Variants in MRTFA observed in about 807,000 individuals in gnomAD.
The protein encoded by MRTFA is myocardin-related transcription factor A.
In MRTFA, 20 loss-of-function variants were observed where a neutral mutation model predicts 83.5. The ratio of observed to expected loss-of-function variants is 0.24; its 90% CI spans 0.17 to 0.35. MRTFA has a LOEUF of 0.35. Among genes scored for constraint, MRTFA ranks in the 10% least tolerant of loss-of-function variants. MRTFA has a pLI of 1.00. For synonymous variants in MRTFA, 659 were observed against 541.2 expected (o/e 1.22, Z -3.02); for missense variants, 1,200 against 1,224.7 (o/e 0.98, Z 0.30).
chr22:40,573,720 T>C (rs555272464), intron 2 of MRTFA, among the ~76,000 whole-genome samples: 3 of 151,220 alleles, frequency 2.0e-5, no homozygotes, highest in East Asian at 2.0e-4. Context: ...CTGGGTAACA[T>C]AGAGAGGCCC....
intron 7 of MRTFA, among the ~76,000 whole-genome samples, chr22:40,427,003 C>T (rs2052967878): frequency 6.6e-6 from 1 of 152,216 alleles, no homozygotes; most frequent in Non-Finnish European, 1.5e-5. Flanking sequence ...GGGAACCAGA[C>T]TCAGAAATCA....
intron 4 of MRTFA, among the ~76,000 whole-genome samples, chr22:40,457,530 T>A (rs749050387): frequency 9.3e-5 from 14 of 150,884 alleles, no homozygotes; most frequent in Admixed American, 2.0e-4. Flanking sequence ...GAGAGAGATA[T>A]GCAACTTCAG....
chr22:40,518,057 C>T (rs1003033625), intron 3 of MRTFA, among the ~76,000 whole-genome samples: 1 of 152,176 alleles, frequency 6.6e-6, no homozygotes, highest in African/African-American at 2.4e-5. Flanking sequence ...GGGAGCATCA[C>T]ATAACCCCCT....
chr22:40,535,212 T>C (rs577985158), intron 3 of MRTFA, among the ~76,000 whole-genome samples: 53 of 152,114 alleles, frequency 3.5e-4, no homozygotes, highest in Non-Finnish European at 7.5e-4. Context: ...AACGGGTAAA[T>C]TTCAACTTTG....
At chr22:40,586,289 G>C (rs909194687) in intron 2 of MRTFA, among the ~76,000 whole-genome samples, 15 of 148,478 alleles carry the variant, frequency 1.0e-4, no homozygotes, top group African/African-American at 3.7e-4. Context: ...AAGAAGGAAA[G>C]AAAGAACAGT....
At chr22:40,418,344 C>T (rs1344149634) in intron 12 of MRTFA, 30 bp downstream of exon 12, 1 of 1,607,428 alleles carries the variant, frequency 6.2e-7, no homozygotes, top group South Asian at 1.1e-5. Context: ...CTCCTCTGGG[C>T]CCTGCCCGGT....
At chr22:40,575,479 T>C (rs1311870547) in intron 2 of MRTFA, among the ~76,000 whole-genome samples, 1 of 152,196 alleles carries the variant, frequency 6.6e-6, no homozygotes, top group Non-Finnish European at 1.5e-5. Flanking sequence ...GAGTCAAATA[T>C]TTAAAAAATT....
chr22:40,623,986 A>C (rs5995883), intron 1 of MRTFA, among the ~76,000 whole-genome samples: 1,742 of 152,286 alleles, frequency 0.011, 39 homozygotes, highest in Middle Eastern at 0.11. Flanking sequence ...TGCCTCCGGT[A>C]CCAGCTACTC....
chr22:40,426,925 A>T (rs1238682406), intron 7 of MRTFA, among the ~76,000 whole-genome samples: 1 of 152,226 alleles, frequency 6.6e-6, no homozygotes, highest in Non-Finnish European at 1.5e-5. Context: ...CAGTCGCACA[A>T]GGCAGGTGAC....
At chr22:40,584,151 G>A (rs73169052) in intron 2 of MRTFA, among the ~76,000 whole-genome samples, 41 of 152,242 alleles carry the variant, frequency 2.7e-4, no homozygotes, top group Admixed American at 4.6e-4. Flanking sequence ...ACTCTTGTAA[G>A]GTCTCAAAAC....
At chr22:40,439,540 G>A (rs976651268) in intron 4 of MRTFA, among the ~76,000 whole-genome samples, 122 of 136,240 alleles carry the variant, frequency 9.0e-4, no homozygotes, top group Non-Finnish European at 1.3e-3. Flanking sequence ...AGAGACAGAA[G>A]AAAAGAAACT....
chr22:40,547,153 T>G (rs2055377526), intron 3 of MRTFA, among the ~76,000 whole-genome samples: 1 of 151,632 alleles, frequency 6.6e-6, no homozygotes, highest in East Asian at 1.9e-4. Context: ...AGACTCCATC[T>G]CAAAAAATAT....
At chr22:40,435,623 G>A (rs2053153507) in intron 4 of MRTFA, 69 bp from the exon 5 acceptor site, 7 of 1,543,200 alleles carry the variant, frequency 4.5e-6, no homozygotes, top group Non-Finnish European at 6.3e-6. Context: ...GATATTCAGT[G>A]GAGAAGGCAT....
intron 1 of MRTFA, among the ~76,000 whole-genome samples, chr22:40,614,179 G>C (rs914329803): frequency 2.0e-5 from 3 of 151,340 alleles, no homozygotes; most frequent in Non-Finnish European, 4.4e-5. Context: ...TCCAGCCTGG[G>C]CAACAAGAGC....
chr22:40,519,324 T>G, intron 3 of MRTFA: 1 of 867,044 alleles, frequency 1.2e-6, no homozygotes, highest in Non-Finnish European at 1.7e-6. Flanking sequence ...ATAGAGATGG[T>G]CCTTCTCACT....
rs912738835 is a variant in MRTFA, at chr22:40,416,440, A to G, written c.2578+546T>C. ...AGGCTGTGCGATGGCTTCCCACACA[A>G]TGGAGCCAAAGCCACCCTGCCCTGG... On this transcript the variant is annotated intron_variant, in intron 14 of 14. Transcript: ENST00000355630. The surrounding 1 kb of genome is among the most constrained non-coding windows in gnomAD (Gnocchi z 4.2). Among the ~76,000 whole-genome samples, 2 of 152,110 alleles carry G rather than the reference A, an allele frequency of 1.3e-5. No homozygotes were observed. The highest frequency in any genetic ancestry group is 4.8e-5 in the African/African-American group (2 of 41,418).
intron 3 of MRTFA, among the ~76,000 whole-genome samples, chr22:40,476,833 T>C (rs899661203): frequency 3.9e-5 from 6 of 152,152 alleles, no homozygotes; most frequent in African/African-American, 1.2e-4. Context: ...AAGCACAGTG[T>C]ACACTGTGCC....
chr22:40,526,758 A>G (rs2054981349), intron 3 of MRTFA: 1 of 152,184 alleles, frequency 6.6e-6, no homozygotes, highest in African/African-American at 2.4e-5. Context: ...GTAAATTGTG[A>G]AGATACAGAC....
chr22:40,466,916 T>C (rs1401008486), intron 3 of MRTFA, among the ~76,000 whole-genome samples: 3 of 152,090 alleles, frequency 2.0e-5, no homozygotes, highest in African/African-American at 7.2e-5. Flanking sequence ...AGTAAAGGCA[T>C]ATTCAGCTTA....
Sources: allele counts gnomAD v4.1 joint callset (sites outside exome capture counted in the v4.1 genomes callset), GRCh38; gene constraint gnomAD v4.1.1; non-coding constraint Gnocchi (gnomAD v3.1); transcripts MANE v1.5; gene names NCBI Gene and HGNC (gene_info 2026-07-23, HGNC 2026-07-21).